The following GABRA3 variants were observed in gnomAD, a reference collection of about 807,000 sequenced individuals.
GABRA3 encodes the protein gamma-aminobutyric acid type A receptor subunit alpha3.
Under a neutral mutation model 30.1 loss-of-function variants are expected in GABRA3, and 10 were observed. That is an observed-to-expected ratio of 0.33 (90% CI 0.20 to 0.56). The LOEUF (loss-of-function observed/expected upper bound fraction) is 0.56. GABRA3 is among the 20% of genes least tolerant of loss of function. GABRA3 has a pLI of 0.89. For synonymous variants in GABRA3, 151 were observed against 146.8 expected (o/e 1.03, Z -0.21); for missense variants, 233 against 392.0 (o/e 0.59, Z 3.42).
intron 6 of GABRA3, among the ~76,000 whole-genome samples, chrX:152,214,985 TAC>T (rs1199022221): frequency 7.5e-5 from 8 of 106,894 alleles, no homozygotes; most frequent in Admixed American, 2.0e-4. Flanking sequence ...GATATATGTA[TAC>T]ACACACACAC....
intron 2 of GABRA3, among the ~76,000 whole-genome samples, chrX:152,351,711 A>G (rs1408925481): frequency 3.6e-5 from 4 of 112,043 alleles, no homozygotes; most frequent in African/African-American, 9.7e-5. Flanking sequence ...ACTGCTTGCC[A>G]CAAGAGGCCT....
chrX:152,168,247 C>A lies in GABRA3; in HGVS notation c.1460G>T (p.Gly487Val). 1 of 1,209,879 alleles carries A rather than the reference C, an allele frequency of 8.3e-7. No homozygotes were observed. Among genetic ancestry groups the A allele is most frequent in the Non-Finnish European group, 1.1e-6 (1 of 893,945 alleles). ...CACTATCTACTGTTTGCGGATCATG[C>A]CCTTGATAGCTGACTCCCGGTTGAC... Reference protein sequence around the residue: ...TYVNRESAIKGMIRKQ With the variant: ...TYVNRESAIKVMIRKQ Residue 487 changes from glycine to valine, a missense_variant, in exon 10 of 10, where the codon GGC becomes GTC. Gly to Val is a moderately radical substitution (Grantham distance 109). Transcript: ENST00000370314.
chrX:152,219,758 T>G (rs763610713), intron 6 of GABRA3, among the ~76,000 whole-genome samples: 1 of 111,436 alleles, frequency 9.0e-6, no homozygotes, highest in East Asian at 2.9e-4. Context: ...TAAGTCTATA[T>G]GCATAAGTAT....
At chrX:152,424,266 T>C (rs770771755) in intron 1 of GABRA3, among the ~76,000 whole-genome samples, 1 of 108,975 alleles carries the variant, frequency 9.2e-6, no homozygotes, top group East Asian at 3.0e-4. Context: ...CCCATGTCTA[T>C]TTCGTCTAAC....
At chrX:152,284,401 A>T (rs781295718) in intron 4 of GABRA3, among the ~76,000 whole-genome samples, 50 of 111,204 alleles carry the variant, frequency 4.5e-4, no homozygotes, top group Non-Finnish European at 8.7e-4. Flanking sequence ...TTAATTAAGG[A>T]TAGGGAACCA....
intron 3 of GABRA3, among the ~76,000 whole-genome samples, chrX:152,325,174 G>A (rs989403283): frequency 1.8e-5 from 2 of 111,495 alleles, no homozygotes; most frequent in Non-Finnish European, 3.8e-5. Flanking sequence ...AAGTGATTAG[G>A]TGTTTTGTGG....
rs1258378947 is a variant in GABRA3 at position 152,238,365 on chromosome X, CT to C, written c.552-13521del. ...AGCCCACTTGATCATGGTGGATAAGCTTTTTGATGTGCTGCTGGATTCGTTT... is the reference window on the plus strand; with the variant it reads ...AGCCCACTTGATCATGGTGGATAAGCTTTTGATGTGCTGCTGGATTCGTTT... On this transcript the variant is annotated intron_variant, in intron 5 of 9. Coordinates refer to ENST00000370314, the MANE Select transcript of GABRA3 (RefSeq NM_000808.4). 4.0e-5 allele frequency among the ~76,000 whole-genome samples: 4 copies of C among 100,962 alleles called. No individual in the cohort carries two copies. The East Asian group carries it at 1.3e-3, about 34-fold the overall frequency. 87.7% of individuals were successfully genotyped at this position (100,962 alleles called of 115,157 possible). A position where few individuals can be genotyped will look rare whatever the true frequency, so the allele number is the denominator to read the frequency against.
Position 152,357,751 on chromosome X carries a change from T to G in GABRA3, c.140+6680A>C, listed in dbSNP as rs1043151751. Among the ~76,000 whole-genome samples the G allele has an allele frequency of 3.6e-5, 4 of 111,730 alleles. No individual in the cohort carries two copies. The East Asian group carries it at 1.1e-3, about 31-fold the overall frequency. ...ATTATCTTCCAGGGTTTTTGTAGTT[T>G]TAGGTTTGACATGTAAGTTTTTAAT... On this transcript the variant is annotated intron_variant, in intron 2 of 9. Transcript: ENST00000370314.
intron 9 of GABRA3, among the ~76,000 whole-genome samples, chrX:152,174,636 T>C (rs1937048988): frequency 9.0e-6 from 1 of 111,652 alleles, no homozygotes; most frequent in South Asian, 3.7e-4. Context: ...TTTGATGGAG[T>C]TGTTTGTTTT....
chrX:152,339,880 C>A (rs1304841753), intron 3 of GABRA3, among the ~76,000 whole-genome samples: 1 of 111,777 alleles, frequency 8.9e-6, no homozygotes, highest in Non-Finnish European at 1.9e-5. Context: ...TATGATGCAT[C>A]TTTTCCTATC....
intron 1 of GABRA3, among the ~76,000 whole-genome samples, chrX:152,446,480 T>A (rs1280700492): frequency 9.1e-6 from 1 of 110,202 alleles, no homozygotes; most frequent in African/African-American, 3.3e-5. Flanking sequence ...TGTACTCTTC[T>A]AATTTTCCTT....
chrX:152,254,311 A>G (rs1225215017), intron 5 of GABRA3, among the ~76,000 whole-genome samples: 1 of 110,226 alleles, frequency 9.1e-6, no homozygotes, highest in Non-Finnish European at 1.9e-5. Context: ...ATATTCGCCT[A>G]TCTCTTTAGA....
chrX:152,289,319 A>G (rs1037341428), intron 3 of GABRA3, among the ~76,000 whole-genome samples: 3 of 109,591 alleles, frequency 2.7e-5, no homozygotes, highest in Admixed American at 1.0e-4. Flanking sequence ...TTGGATCCAC[A>G]CAACAAAGTC....
intron 6 of GABRA3, among the ~76,000 whole-genome samples, chrX:152,210,538 G>A (rs1330233059): frequency 8.9e-6 from 1 of 112,115 alleles, no homozygotes; most frequent in Non-Finnish European, 1.9e-5. Flanking sequence ...TACAAGGGAT[G>A]GTCACTATTT....
chrX:152,246,404 CT>C (rs1270111008), intron 5 of GABRA3, among the ~76,000 whole-genome samples: 1 of 111,648 alleles, frequency 9.0e-6, no homozygotes, highest in Admixed American at 9.5e-5. Flanking sequence ...CTCAGGAATA[CT>C]TTTTTCCTCC....
intron 4 of GABRA3, among the ~76,000 whole-genome samples, chrX:152,280,692 T>C (rs1939183977): frequency 9.0e-6 from 1 of 111,265 alleles, no homozygotes; most frequent in African/African-American, 3.3e-5. Flanking sequence ...AGATGGTTAG[T>C]TCTTTCATTG....
At position 152,226,858 on chromosome X, in the gene GABRA3, G is replaced by T. The variant is rs1197385707; in HGVS notation, c.552-2013C>A. On this transcript the variant is annotated intron_variant, in intron 5 of 9. Coordinates refer to ENST00000370314, the MANE Select transcript of GABRA3 (RefSeq NM_000808.4). ...ATACCATCTCACACCAGTTAGAATG[G>T]CAATCATTAAAAAGTCAGGAAACAA... 5.4e-5 allele frequency among the ~76,000 whole-genome samples: 6 copies of T among 111,849 alleles called. 1 individual carries two copies. The highest frequency in any genetic ancestry group is 4.7e-4 in the Admixed American group (5 of 10,546).
chrX:152,227,341 A>T (rs1355992561), intron 5 of GABRA3, among the ~76,000 whole-genome samples: 2 of 82,545 alleles, frequency 2.4e-5, no homozygotes, highest in Non-Finnish European at 4.5e-5. Context: ...ATGAGAACAC[A>T]TGGACACAGG....
intron 1 of GABRA3, among the ~76,000 whole-genome samples, chrX:152,422,498 T>A (rs946523869): frequency 9.0e-6 from 1 of 110,806 alleles, no homozygotes; most frequent in Non-Finnish European, 1.9e-5. Flanking sequence ...TTAACAAAAA[T>A]TCATTGCGCT....
Sources: gnomAD v4.1 joint callset for allele counts (sites outside exome capture counted in the v4.1 genomes callset) on GRCh38, gnomAD v4.1.1 for gene constraint, MANE v1.5 for transcripts, NCBI Gene and HGNC (gene_info 2026-07-23, HGNC 2026-07-21) for gene names.